Variants in FOXJ3 observed in about 807,000 individuals in gnomAD.
FOXJ3 encodes forkhead box protein J3.
FOXJ3 carries 22 observed loss-of-function variants against 76.1 expected under a neutral mutation model. The observed-to-expected ratio is 0.29, with a 90% CI of 0.21 to 0.41. The LOEUF (loss-of-function observed/expected upper bound fraction) is 0.41, where lower values mean the gene tolerates loss of function less well. FOXJ3 is among the 10% of genes least tolerant of loss of function. FOXJ3 has a pLI of 1.00. For missense variants in FOXJ3, 613 were observed against 762.1 expected, an observed-to-expected ratio of 0.80 and a Z score of 2.30; for synonymous variants, 269 against 261.2, an observed-to-expected ratio of 1.03 and a Z score of -0.29.
intron 5 of FOXJ3, among the ~76,000 whole-genome samples, chr1:42,225,551 C>T (rs1172567261): frequency 6.6e-6 from 1 of 152,148 alleles, no homozygotes; most frequent in East Asian, 1.9e-4. Context: ...ATGCCCTTTG[C>T]TTACAGCTAA....
rs1168878267 is a variant in FOXJ3, at chr1:42,277,594, G to A, written c.369+754C>T. Among the ~76,000 whole-genome samples, 93 of 57,526 alleles carry A rather than the reference G, an allele frequency of 1.6e-3. 27 individuals are homozygous for A. Among genetic ancestry groups the A allele is most frequent in the African/African-American group, 4.8e-3 (91 of 19,054 alleles). The allele number at this position is 57,526 out of a possible 152,430, so 37.7% of individuals were successfully genotyped here. On this transcript the variant is annotated intron_variant, in intron 3 of 12. Coordinates refer to ENST00000361346, the MANE Select transcript of FOXJ3 (RefSeq NM_014947.5). The stretch of plus-strand genomic sequence containing the variant: ...GGGCGGATCACGAGGTCAGGAGATC[G>A]AGACCATCCCGGCTAAAACGGTGAA...
chr1:42,183,376 G>C (rs1336696569), intron 11 of FOXJ3, among the ~76,000 whole-genome samples: 1 of 117,524 alleles, frequency 8.5e-6, no homozygotes, highest in Non-Finnish European at 1.6e-5. Flanking sequence ...TATTATCCTA[G>C]AATGTGAGGA....
intron 2 of FOXJ3, among the ~76,000 whole-genome samples, chr1:42,294,196 T>C (rs1407708451): frequency 1.3e-5 from 2 of 152,196 alleles, no homozygotes; most frequent in Non-Finnish European, 2.9e-5. Context: ...TTGAAATCCT[T>C]TCTCAACCAA....
chr1:42,205,220 A>G (rs993480867), intron 6 of FOXJ3, among the ~76,000 whole-genome samples: 1 of 152,200 alleles, frequency 6.6e-6, no homozygotes, highest in Non-Finnish European at 1.5e-5. Context: ...CCTGTATCCC[A>G]CTAGGTATAT....
chr1:42,287,384 C>T (rs1653130078), intron 2 of FOXJ3, among the ~76,000 whole-genome samples: 1 of 152,058 alleles, frequency 6.6e-6, no homozygotes, highest in Non-Finnish European at 1.5e-5. Context: ...ATTACCCTTG[C>T]TACAGAGAAG....
intron 2 of FOXJ3, among the ~76,000 whole-genome samples, chr1:42,302,347 C>T (rs1485713763): frequency 2.6e-5 from 4 of 152,248 alleles, no homozygotes; most frequent in African/African-American, 9.6e-5. Flanking sequence ...TACAGAGAAG[C>T]TCTCTGTTGC....
intron 4 of FOXJ3, among the ~76,000 whole-genome samples, chr1:42,241,838 C>T (rs1649167978): frequency 6.6e-6 from 1 of 152,184 alleles, no homozygotes; most frequent in South Asian, 2.1e-4. Context: ...CCACTAACAC[C>T]ACCGTCACAC....
intron 2 of FOXJ3, among the ~76,000 whole-genome samples, chr1:42,283,379 G>T (rs1652849748): frequency 6.6e-6 from 1 of 152,088 alleles, no homozygotes; most frequent in Admixed American, 6.5e-5. Flanking sequence ...CCCACTTTAT[G>T]AAACAGGGAC....
At chr1:42,220,211 G>C (rs1647152905) in intron 5 of FOXJ3, among the ~76,000 whole-genome samples, 1 of 152,096 alleles carries the variant, frequency 6.6e-6, no homozygotes, top group African/African-American at 2.4e-5. Context: ...ATGGAACTTA[G>C]GCACACTAAG....
intron 4 of FOXJ3, among the ~76,000 whole-genome samples, chr1:42,250,355 G>A (rs942648222): frequency 6.6e-5 from 10 of 152,098 alleles, no homozygotes; most frequent in African/African-American, 1.4e-4. Flanking sequence ...AGGATAATAC[G>A]TCATACCCTC....
In FOXJ3 at chr1:42,306,483, T is replaced by C. The variant is rs1570216719; in HGVS notation, c.44+4567A>G. Among the ~76,000 whole-genome samples, 5 of 152,106 alleles carry C rather than the reference T, an allele frequency of 3.3e-5. No homozygotes were observed. In the South Asian group the frequency reaches 8.3e-4, roughly 25 times the overall value. On this transcript the variant is annotated intron_variant, in intron 2 of 12. Coordinates refer to ENST00000361346, the MANE Select transcript of FOXJ3 (RefSeq NM_014947.5). ...ACACCTGGCTAATTTTTTATATTTT[T>C]AGTCGAGACGGGGTTTCACCACATT...
intron 1 of FOXJ3, among the ~76,000 whole-genome samples, chr1:42,316,380 A>C (rs1570242288): frequency 8.5e-6 from 1 of 117,998 alleles, no homozygotes. Context: ...TGTGTTGTCC[A>C]AACTGATGTC....
intron 4 of FOXJ3, among the ~76,000 whole-genome samples, chr1:42,255,986 C>A (rs1432581812): frequency 6.6e-6 from 1 of 152,220 alleles, no homozygotes; most frequent in Non-Finnish European, 1.5e-5. Flanking sequence ...CGCATCACTG[C>A]ATTCCAGCCT....
At position 42,199,239 on chromosome 1, in the gene FOXJ3, A is replaced by C. The variant is rs1443470408; in HGVS notation, c.631-9T>G. On this transcript the variant is annotated splice_polypyrimidine_tract_variant and intron_variant, in intron 6 of 12. Coordinates refer to ENST00000361346, the MANE Select transcript of FOXJ3 (RefSeq NM_014947.5). ...GTGTTATACAATGTTACCTAAAATG[A>C]AAAAAGAAAAATGACAATTGAATAT... The C allele has an allele frequency of 6.2e-7, 1 of 1,607,320 alleles. No homozygotes were observed. Among genetic ancestry groups the C allele is most frequent in the East Asian group, 2.2e-5 (1 of 44,814 alleles).
intron 11 of FOXJ3, among the ~76,000 whole-genome samples, chr1:42,183,238 A>G (rs1646360281): frequency 6.9e-6 from 1 of 143,952 alleles, no homozygotes; most frequent in Non-Finnish European, 1.5e-5. Flanking sequence ...CCTGGTTAAT[A>G]GAGTGAGACC....
chr1:42,250,512 C>T (rs1649938644), intron 4 of FOXJ3, among the ~76,000 whole-genome samples: 1 of 152,126 alleles, frequency 6.6e-6, no homozygotes, highest in South Asian at 2.1e-4. Flanking sequence ...ATTACCTATG[C>T]ATATACACAA....
chr1:42,185,711 G>A (rs544468043), intron 11 of FOXJ3, among the ~76,000 whole-genome samples: 5 of 152,116 alleles, frequency 3.3e-5, no homozygotes, highest in Non-Finnish European at 5.9e-5. Context: ...TTTAAGCAAC[G>A]CATCAAATTA....
chr1:42,231,786 C>G lies in FOXJ3; in HGVS notation c.445-3820G>C, dbSNP rs1162904603. On this transcript the variant is annotated intron_variant, in intron 4 of 12. Coordinates refer to ENST00000361346, the MANE Select transcript of FOXJ3 (RefSeq NM_014947.5). ...AAGTAGCTGAGACCACAGGTCCACA[C>G]CCCACCCCCACGCCTGTTTTTGTTT... Among the ~76,000 whole-genome samples, 4 of 152,212 alleles carry G rather than the reference C, an allele frequency of 2.6e-5. No individual in the cohort carries two copies. The East Asian group carries it at 7.7e-4, about 29-fold the overall frequency.
At chr1:42,275,200 C>T (rs758025602) in intron 3 of FOXJ3, among the ~76,000 whole-genome samples, 2 of 152,006 alleles carry the variant, frequency 1.3e-5, no homozygotes, top group East Asian at 3.9e-4. Context: ...CCTTGGTGCA[C>T]GGTAAATCAG....
Sources: gnomAD v4.1 joint callset for allele counts (sites outside exome capture counted in the v4.1 genomes callset) on GRCh38, gnomAD v4.1.1 for gene constraint, MANE v1.5 for transcripts, NCBI Gene and HGNC (gene_info 2026-07-23, HGNC 2026-07-21) for gene names.